The following NRXN3 variants were observed in gnomAD, a reference collection of about 807,000 sequenced individuals.
NRXN3 encodes the protein neurexin 3, also known as neurexin III.
A neutral mutation model predicts 137.6 loss-of-function variants in NRXN3; 32 were observed. That is an observed-to-expected ratio of 0.23 (90% CI 0.18 to 0.31). The LOEUF (loss-of-function observed/expected upper bound fraction) is 0.31, where lower values mean the gene tolerates loss of function less well. Ranked by LOEUF, NRXN3 falls within the 10% of genes least tolerant of loss-of-function variation. The pLI is 1.00. For synonymous variants in NRXN3, 798 were observed against 784.5 expected, an observed-to-expected ratio of 1.02 and a Z score of -0.29; for missense variants, 1,574 against 2,062.5, an observed-to-expected ratio of 0.76 and a Z score of 4.59.
At chr14:78,306,322 T>C (rs1173338432) in intron 4 of NRXN3, among the ~76,000 whole-genome samples, 1 of 152,218 alleles carries the variant, frequency 6.6e-6, no homozygotes, top group East Asian at 1.9e-4. Context: ...TAATGATCTA[T>C]CTGTTTGTAT....
intron 19 of NRXN3, among the ~76,000 whole-genome samples, chr14:79,796,441 C>T (rs972271873): frequency 6.6e-6 from 1 of 152,070 alleles, no homozygotes; most frequent in African/African-American, 2.4e-5. Flanking sequence ...CCTTTTCCAC[C>T]CACTCTCTTC....
chr14:78,507,189 A>G (rs2096010915), intron 4 of NRXN3, among the ~76,000 whole-genome samples: 1 of 152,144 alleles, frequency 6.6e-6, no homozygotes, highest in Non-Finnish European at 1.5e-5. Flanking sequence ...TTCATAAGCT[A>G]CCTCATGAAG....
chr14:78,477,609 G>C (rs1314118916), intron 4 of NRXN3, among the ~76,000 whole-genome samples: 1 of 152,074 alleles, frequency 6.6e-6, no homozygotes, highest in African/African-American at 2.4e-5. Context: ...CCTCAGCCTT[G>C]AATAACTTTA....
At chr14:78,886,474 T>A (rs2099144111) in intron 10 of NRXN3, among the ~76,000 whole-genome samples, 1 of 151,996 alleles carries the variant, frequency 6.6e-6, no homozygotes, top group Non-Finnish European at 1.5e-5. Context: ...CTTCCTTTTT[T>A]CTCTTTTTCT....
At chr14:79,262,816 T>C (rs1299855962) in intron 15 of NRXN3, among the ~76,000 whole-genome samples, 1 of 152,122 alleles carries the variant, frequency 6.6e-6, no homozygotes, top group Non-Finnish European at 1.5e-5. Flanking sequence ...CTGGAGAAAG[T>C]GGATGGCTCC....
intron 15 of NRXN3, among the ~76,000 whole-genome samples, chr14:79,381,772 G>A (rs1446242243): frequency 6.6e-6 from 1 of 152,106 alleles, no homozygotes; most frequent in Non-Finnish European, 1.5e-5. Context: ...ATCAAATAAT[G>A]AGGCACGATT....
chr14:78,631,927 G>A (rs901064446), intron 4 of NRXN3, among the ~76,000 whole-genome samples: 2 of 151,626 alleles, frequency 1.3e-5, no homozygotes, highest in African/African-American at 4.8e-5. Context: ...CTAATTTGGT[G>A]AAACCCCGTC....
Position 79,865,893 on chromosome 14 carries a change from C to T in NRXN3, c.*3929C>T, listed in dbSNP as rs1213781730. Reference sequence around the variant, plus strand: ...CTTCAAGTGATCCACCCACCTTGGCCTTGCAAAATGCTGGGATTATAGGTG... The same window carrying T: ...CTTCAAGTGATCCACCCACCTTGGCTTTGCAAAATGCTGGGATTATAGGTG... On this transcript the variant is annotated 3_prime_UTR_variant, in exon 21 of 21. Transcript: ENST00000335750. The T allele has an allele frequency of 6.6e-6, 1 of 152,144 alleles. No homozygotes were observed. Among genetic ancestry groups the T allele is most frequent in the Non-Finnish European group, 1.5e-5 (1 of 68,012 alleles). The allele number at this position is 152,144 out of a possible 1,614,324, so 9.4% of individuals were successfully genotyped here.
chr14:79,317,490 A>G lies in NRXN3; in HGVS notation c.3263-149731A>G, dbSNP rs186873968. Among the ~76,000 whole-genome samples, 270 of 151,868 alleles carry G rather than the reference A, an allele frequency of 1.8e-3. 1 individual carries two copies. Among genetic ancestry groups the G allele is most frequent in the African/African-American group, 6.1e-3 (251 of 41,400 alleles). ...CCTACTATCCTACTATGTCTATCCT[A>G]CTCCAATATGACCTTATCTTAGCTG... On this transcript the variant is annotated intron_variant, in intron 15 of 20. Transcript: ENST00000335750.
At position 79,086,615 on chromosome 14, in the gene NRXN3, C is replaced by A. The variant is rs991814133; in HGVS notation, c.3262+98474C>A. ...GGACATTGCAGAGTCATCACAGATT[C>A]TTGAGTTATGAGGTCAGTATTTAAT... On this transcript the variant is annotated intron_variant, in intron 15 of 20. Coordinates refer to ENST00000335750, the MANE Select transcript of NRXN3 (RefSeq NM_001330195.2). Among the ~76,000 whole-genome samples the A allele has an allele frequency of 3.9e-5, 6 of 152,236 alleles. No individual in the cohort carries two copies. The East Asian group carries it at 1.2e-3, about 29-fold the overall frequency.
intron 15 of NRXN3, among the ~76,000 whole-genome samples, chr14:79,026,489 T>A (rs2099598226): frequency 6.6e-6 from 1 of 151,900 alleles, no homozygotes; most frequent in Non-Finnish European, 1.5e-5. Context: ...GTGGAGAAAA[T>A]CCTAAAAACA....
chr14:78,229,360 T>C (rs1226419279), intron 1 of NRXN3, among the ~76,000 whole-genome samples: 1 of 152,072 alleles, frequency 6.6e-6, no homozygotes, highest in African/African-American at 2.4e-5. Context: ...CAAAGGGTCC[T>C]GATAGTTGAG....
At chr14:78,601,491 T>C (rs1031677260) in intron 4 of NRXN3, among the ~76,000 whole-genome samples, 2 of 151,916 alleles carry the variant, frequency 1.3e-5, no homozygotes, top group African/African-American at 2.4e-5. Flanking sequence ...CTCACTGTGT[T>C]GCCCAGGCTG....
chr14:78,832,104 A>C lies in NRXN3; in HGVS notation c.2275+21760A>C, dbSNP rs555164265. 1.2e-4 allele frequency among the ~76,000 whole-genome samples: 19 copies of C among 152,118 alleles called. No homozygotes were observed. The South Asian group carries it at 3.9e-3, about 32-fold the overall frequency. On this transcript the variant is annotated intron_variant, in intron 10 of 20. Transcript: ENST00000335750. ...CTTGAATATTTCCTACTAACTTTCA[A>C]AAACGAATGGAACTCAGCTGTGGTT...
Position 79,649,411 on chromosome 14 carries a change from G to A in NRXN3, c.3445-14367G>A, listed in dbSNP as rs566147624. Among the ~76,000 whole-genome samples the A allele has an allele frequency of 3.3e-5, 5 of 151,998 alleles. No homozygotes were observed. In the South Asian group the frequency reaches 1.0e-3, roughly 32 times the overall value. The stretch of plus-strand genomic sequence containing the variant: ...CACCAGGCACGTTTGGAAAATAAAA[G>A]ATTTTATTTATATTTATTTTGACTC... On this transcript the variant is annotated intron_variant, in intron 16 of 20. Coordinates refer to ENST00000335750, the MANE Select transcript of NRXN3 (RefSeq NM_001330195.2).
chr14:78,586,885 C>A (rs538662513), intron 4 of NRXN3, among the ~76,000 whole-genome samples: 5 of 152,214 alleles, frequency 3.3e-5, no homozygotes, highest in African/African-American at 1.2e-4. Context: ...TAGGCTCCTG[C>A]GGGCCTGTGC....
intron 6 of NRXN3, among the ~76,000 whole-genome samples, chr14:78,686,976 A>C (rs2098131106): frequency 6.6e-6 from 1 of 152,150 alleles, no homozygotes; most frequent in Non-Finnish European, 1.5e-5. Context: ...TCTAAGTTAT[A>C]TATGGTGGTA....
At chr14:79,197,622 G>A (rs111714597) in intron 15 of NRXN3, among the ~76,000 whole-genome samples, 5,904 of 150,608 alleles carry the variant, frequency 0.039, 253 homozygotes, top group East Asian at 0.21. Flanking sequence ...CTAATTATCC[G>A]TTGTCTTTGT....
chr14:78,664,785 A>C (rs2097868164), intron 6 of NRXN3, among the ~76,000 whole-genome samples: 1 of 152,220 alleles, frequency 6.6e-6, no homozygotes, highest in Admixed American at 6.5e-5. Flanking sequence ...TGAGCTTCTA[A>C]GAGACAAGAA....
Sources: allele counts gnomAD v4.1 joint callset (sites outside exome capture counted in the v4.1 genomes callset), GRCh38; gene constraint gnomAD v4.1.1; transcripts MANE v1.5; gene names NCBI Gene and HGNC (gene_info 2026-07-23, HGNC 2026-07-21).